Variants in MOGAT2 observed in about 807,000 individuals in gnomAD.
The protein encoded by MOGAT2 is monoacylglycerol O-acyltransferase 2.
In MOGAT2, 27 loss-of-function variants were observed where a neutral mutation model predicts 31.5. The observed-to-expected ratio is 0.86, with a 90% CI of 0.63 to 1.18. The LOEUF (loss-of-function observed/expected upper bound fraction) is 1.18. MOGAT2 is among the 50% of genes most tolerant of loss of function. The probability of loss-of-function intolerance (pLI) is 0.00; values close to 1 mark genes in which losing one functional copy is unlikely to be tolerated. For missense variants in MOGAT2, 436 were observed against 433.2 expected, an observed-to-expected ratio of 1.01 and a Z score of -0.06; for synonymous variants, 163 against 170.0, an observed-to-expected ratio of 0.96 and a Z score of 0.32.
At position 75,728,907 on chromosome 11, in the gene MOGAT2, C is replaced by A; in HGVS notation, c.768C>A (p.Ile256=). Reference sequence around the variant, plus strand: ...ATCGGTTGCAGAAGATCATGGGCATCTCCCTCCCACTCTTTCATGGCCGTG... The same window carrying A: ...ATCGGTTGCAGAAGATCATGGGCATATCCCTCCCACTCTTTCATGGCCGTG... ...IQNRLQKIMG[I]SLPLFHGRGV... is the part of the protein sequence containing the mutation. Residue 256 remains isoleucine (I), a synonymous_variant, in exon 5 of 6, where the codon ATC becomes ATA. Coordinates refer to ENST00000198801, the MANE Select transcript of MOGAT2 (RefSeq NM_025098.4). 6.2e-7 allele frequency: 1 copy of A among 1,614,216 alleles called. No individual in the cohort carries two copies. Among genetic ancestry groups the A allele is most frequent in the Non-Finnish European group, 8.5e-7 (1 of 1,180,044 alleles).
intron 2 of MOGAT2, 56 bp from the exon 3 acceptor site, chr11:75,727,377 CAG>C (rs1231713192): frequency 6.5e-7 from 1 of 1,530,882 alleles, no homozygotes; most frequent in Non-Finnish European, 8.9e-7. Flanking sequence ...CAGTGAGTGG[CAG>C]AGTCAGGGCT....
rs759909285 is a variant in MOGAT2 at position 75,720,099 on chromosome 11, G to A, written c.199G>A (p.Gly67Arg). The A allele has an allele frequency of 6.2e-7, 1 of 1,614,204 alleles. No homozygotes were observed. Among genetic ancestry groups the A allele is most frequent in the Non-Finnish European group, 8.5e-7 (1 of 1,180,044 alleles). ...TCTGGACCGAGACAAGCCACGGCAG[G>A]GGGGCCGGCACATCCAGGCCATCAG... is the stretch of plus-strand genomic sequence containing the variant. ...WYLDRDKPRQGGRHIQAIRCW... is the reference protein window; with the variant it reads ...WYLDRDKPRQRGRHIQAIRCW... The change falls in exon 2 of 6, where the codon GGG becomes AGG. Residue 67 changes from glycine (G) to arginine (R), a missense_variant. Transcript: ENST00000198801.
intron 2 of MOGAT2, among the ~76,000 whole-genome samples, chr11:75,724,931 A>G (rs547614960): frequency 8.5e-5 from 13 of 152,316 alleles, no homozygotes; most frequent in Admixed American, 6.5e-4. Context: ...CTATGGTGAC[A>G]CAACGGTCCA....
At position 75,729,740 on chromosome 11, in the gene MOGAT2, C is replaced by CTTTTTTTTTTTTTTTTTTTTTTTT. The variant is rs543037592; in HGVS notation, c.850+763_850+764insTTTTTTTTTTTTTTTTTTTTTTTT. On this transcript the variant is annotated intron_variant, in intron 5 of 5. Coordinates refer to ENST00000198801, the MANE Select transcript of MOGAT2 (RefSeq NM_025098.4). ...AATGCCAGAGAAGGAGGGTTTAATTCTTTTTTTTTTTTGTTTTTTTTTGAG... is the reference window on the plus strand; with the variant it reads ...AATGCCAGAGAAGGAGGGTTTAATTCTTTTTTTTTTTTTTTTTTTTTTTTTTTTTTTTTTTTGTTTTTTTTTGAG... 4.9e-5 allele frequency among the ~76,000 whole-genome samples: 6 copies of CTTTTTTTTTTTTTTTTTTTTTTTT among 121,402 alleles called. 2 individuals are homozygous for CTTTTTTTTTTTTTTTTTTTTTTTT. Among genetic ancestry groups the CTTTTTTTTTTTTTTTTTTTTTTTT allele is most frequent in the Non-Finnish European group, 6.5e-5 (4 of 61,640 alleles). 79.6% of individuals were successfully genotyped at this position (121,402 alleles called of 152,430 possible).
At chr11:75,729,062 G>A in intron 5 of MOGAT2, 73 bp downstream of exon 5, 2 of 1,434,180 alleles carry the variant, frequency 1.4e-6, no homozygotes, top group Non-Finnish European at 9.8e-7. Flanking sequence ...AGGGGACATG[G>A]AGATGAGCCA....
In MOGAT2 at chr11:75,728,504, T is replaced by C. The variant is rs1441234289; in HGVS notation, c.651-286T>C. 12 of 553,754 alleles carry C rather than the reference T, an allele frequency of 2.2e-5. No individual in the cohort carries two copies. The Admixed American group carries it at 3.7e-4, about 17-fold the overall frequency. 34.3% of individuals were successfully genotyped at this position (553,754 alleles called of 1,614,324 possible). On this transcript the variant is annotated intron_variant, in intron 4 of 5. Transcript: ENST00000198801. The stretch of plus-strand genomic sequence containing the variant: ...CCAGCTGAGGTGGGAGATATTTTTC[T>C]AGGAAAAACAATGCAGATTTTTATA...
chr11:75,723,475 G>GC (rs1460864901), intron 2 of MOGAT2, among the ~76,000 whole-genome samples: 1 of 151,238 alleles, frequency 6.6e-6, no homozygotes, highest in South Asian at 2.1e-4. Context: ...TACTGCCCAG[G>GC]CCCCGCAGGG....
Position 75,728,025 on chromosome 11 carries a change from C to A in MOGAT2, c.531C>A (p.Gly177=). The change falls in exon 4 of 6, where the codon GGC becomes GGA. Residue 177 remains glycine, a synonymous_variant. Coordinates refer to ENST00000198801, the MANE Select transcript of MOGAT2 (RefSeq NM_025098.4). ...CTCACATTCTGAACAGGAAGGGTGG[C>A]GGAAACTTGCTGGGCATCATTGTAG... is the stretch of plus-strand genomic sequence containing the variant. ...SAAHILNRKG[G]GNLLGIIVGG... The A allele has an allele frequency of 1.2e-6, 2 of 1,613,900 alleles. No homozygotes were observed. The highest frequency in any genetic ancestry group is 1.7e-6 in the Non-Finnish European group (2 of 1,179,862).
chr11:75,718,153 G>C (rs1944346196), intron 1 of MOGAT2, among the ~76,000 whole-genome samples, 174 bp downstream of exon 1: 1 of 152,204 alleles, frequency 6.6e-6, no homozygotes, highest in South Asian at 2.1e-4. Context: ...GAGGCTTCTT[G>C]GGGGTGGAGT....
chr11:75,727,723 C>T (rs1463502700), intron 3 of MOGAT2, 84 bp downstream of exon 3: 4 of 1,368,432 alleles, frequency 2.9e-6, no homozygotes, highest in Non-Finnish European at 4.1e-6. Context: ...CTTCCAAGAG[C>T]GTGTGCAGTA....
rs564584960 is a variant in MOGAT2, at chr11:75,725,918, C to T, written c.271-1517C>T. Among the ~76,000 whole-genome samples, 95 of 152,312 alleles carry T rather than the reference C, an allele frequency of 6.2e-4. 1 individual carries two copies. Among genetic ancestry groups the T allele is most frequent in the Middle Eastern group, 3.4e-3 (1 of 294 alleles). On this transcript the variant is annotated intron_variant, in intron 2 of 5. Coordinates refer to ENST00000198801, the MANE Select transcript of MOGAT2 (RefSeq NM_025098.4). ...CTGGGGACCCTTGGACTCCGATGGC[C>T]GGGGTCTTCCAGACACAAGGCACTG...
intron 2 of MOGAT2, among the ~76,000 whole-genome samples, chr11:75,725,975 A>G (rs1209914469): frequency 1.3e-5 from 2 of 152,146 alleles, no homozygotes; most frequent in Non-Finnish European, 2.9e-5. Context: ...CCTTACAATC[A>G]CCACCCACAG....
chr11:75,729,025 A>G, intron 5 of MOGAT2, 36 bp downstream of exon 5: 1 of 1,603,526 alleles, frequency 6.2e-7, no homozygotes, highest in Non-Finnish European at 8.5e-7. Context: ...GAGGAGGCCA[A>G]AGGGACAGGG....
At chr11:75,726,170 C>T (rs1944419769) in intron 2 of MOGAT2, among the ~76,000 whole-genome samples, 1 of 152,214 alleles carries the variant, frequency 6.6e-6, no homozygotes, top group Non-Finnish European at 1.5e-5. Context: ...TCTCATGCTG[C>T]AGGCCTGGCC....
chr11:75,725,558 A>AAATG, intron 2 of MOGAT2, among the ~76,000 whole-genome samples: 1 of 151,278 alleles, frequency 6.6e-6, no homozygotes, highest in Non-Finnish European at 1.5e-5. Flanking sequence ...ATAAATAAAT[A>AAATG]AATAAATAAA....
rs764582006 is a variant in MOGAT2 at position 75,728,020 on chromosome 11, G to T, written c.526G>T (p.Gly176Cys). 1 of 1,613,946 alleles carries T rather than the reference G, an allele frequency of 6.2e-7. No individual in the cohort carries two copies. The highest frequency in any genetic ancestry group is 1.7e-5 in the Admixed American group (1 of 60,016). ...TGCTGCTCACATTCTGAACAGGAAG[G>T]GTGGCGGAAACTTGCTGGGCATCAT... is the stretch of plus-strand genomic sequence containing the variant. ...ESAAHILNRK[G>C]GGNLLGIIVG... Residue 176 changes from glycine (G) to cysteine (C), a missense_variant, in exon 4 of 6, where the codon GGT (glycine) becomes TGT (cysteine). Physicochemically the swap from Gly to Cys is radical, Grantham distance 159. Coordinates refer to ENST00000198801, the MANE Select transcript of MOGAT2 (RefSeq NM_025098.4).
intron 2 of MOGAT2, among the ~76,000 whole-genome samples, chr11:75,725,248 T>C (rs573993952): frequency 2.0e-5 from 3 of 152,234 alleles, no homozygotes; most frequent in African/African-American, 7.2e-5. Flanking sequence ...TTGAGCTAGA[T>C]AGGTTTTTAA....
chr11:75,722,360 G>A (rs1332450947), intron 2 of MOGAT2, among the ~76,000 whole-genome samples: 2 of 152,204 alleles, frequency 1.3e-5, no homozygotes, highest in African/African-American at 4.8e-5. Context: ...TGGCCAGCCT[G>A]GGGACGTGTG....
At chr11:75,727,031 G>A (rs538358576) in intron 2 of MOGAT2, among the ~76,000 whole-genome samples, 6 of 152,202 alleles carry the variant, frequency 3.9e-5, no homozygotes, top group South Asian at 4.2e-4. Flanking sequence ...TCAGCATGGC[G>A]GTGCCTCCAT....
Sources: allele counts gnomAD v4.1 joint callset (sites outside exome capture counted in the v4.1 genomes callset), GRCh38; gene constraint gnomAD v4.1.1; transcripts MANE v1.5; gene names NCBI Gene and HGNC (gene_info 2026-07-23, HGNC 2026-07-21).